FGF12: variants seen among roughly 807,000 people sequenced by gnomAD.
FGF12 encodes the protein fibroblast growth factor 12.
In FGF12, 14 loss-of-function variants were observed where a neutral mutation model predicts 23.6. That is an observed-to-expected ratio of 0.59 (90% CI 0.39 to 0.93). FGF12 has a LOEUF of 0.93. Among genes scored for constraint, FGF12 ranks in the 40% least tolerant of loss-of-function variants. The probability of loss-of-function intolerance (pLI) is 0.00; values close to 1 mark genes in which losing one functional copy is unlikely to be tolerated. For missense variants in FGF12, 175 were observed against 217.8 expected, an observed-to-expected ratio of 0.80 and a Z score of 1.24; for synonymous variants, 62 against 77.3, an observed-to-expected ratio of 0.80 and a Z score of 1.04.
chr3:192,335,311 C>T, intron 4 of FGF12, 50 bp downstream of exon 4: 1 of 1,200,750 alleles, frequency 8.3e-7, no homozygotes, highest in Non-Finnish European at 1.2e-6. Flanking sequence ...CATTACCTCT[C>T]AGTGGTAGTT....
At chr3:192,648,446 A>G (rs1560181122) in intron 2 of FGF12, among the ~76,000 whole-genome samples, 1 of 151,770 alleles carries the variant, frequency 6.6e-6, no homozygotes, top group Non-Finnish European at 1.5e-5. Flanking sequence ...TCAATTCTCA[A>G]CTATCCATGG....
intron 4 of FGF12, among the ~76,000 whole-genome samples, chr3:192,291,933 G>A (rs75761840): frequency 0.011 from 1,668 of 152,266 alleles, 31 homozygotes; most frequent in African/African-American, 0.037. Context: ...TCAACAATAC[G>A]TGTATCAAAT....
intron 4 of FGF12, among the ~76,000 whole-genome samples, chr3:192,269,909 G>T (rs1158245574): frequency 6.6e-6 from 1 of 152,056 alleles, no homozygotes; most frequent in Non-Finnish European, 1.5e-5. Flanking sequence ...CTGAAAAGCT[G>T]AACATTGTTA....
At chr3:192,382,914 G>A (rs1196655183) in intron 2 of FGF12, among the ~76,000 whole-genome samples, 1 of 152,188 alleles carries the variant, frequency 6.6e-6, no homozygotes, top group Non-Finnish European at 1.5e-5. Context: ...GACTGATAAC[G>A]AGAGAACAGA....
intron 2 of FGF12, among the ~76,000 whole-genome samples, chr3:192,380,701 C>A (rs758394681): frequency 6.6e-6 from 1 of 152,074 alleles, no homozygotes; most frequent in Non-Finnish European, 1.5e-5. Flanking sequence ...TGTTAGATTT[C>A]ATAGCACATT....
chr3:192,565,692 G>A (rs1426382674), intron 2 of FGF12, among the ~76,000 whole-genome samples: 4 of 152,170 alleles, frequency 2.6e-5, no homozygotes, highest in African/African-American at 9.7e-5. Context: ...TTGTATAGTA[G>A]GCTATATGAT....
At chr3:192,354,122 A>T (rs1395960982) in intron 3 of FGF12, among the ~76,000 whole-genome samples, 1 of 152,170 alleles carries the variant, frequency 6.6e-6, no homozygotes, top group Non-Finnish European at 1.5e-5. Context: ...TTACATTTCC[A>T]ATTGGTTTTC....
chr3:192,435,201 G>T (rs1315964222), intron 2 of FGF12, among the ~76,000 whole-genome samples: 1 of 152,042 alleles, frequency 6.6e-6, no homozygotes, highest in Non-Finnish European at 1.5e-5. Context: ...AACATTCCAG[G>T]CTGTGAAGTT....
At chr3:192,632,336 T>C (rs934112527) in intron 2 of FGF12, among the ~76,000 whole-genome samples, 31 of 152,274 alleles carry the variant, frequency 2.0e-4, no homozygotes, top group African/African-American at 7.5e-4. Context: ...GAAAAAGAAA[T>C]GATTTTGACT....
At chr3:192,148,624 C>T (rs1373382680) in intron 5 of FGF12, among the ~76,000 whole-genome samples, 1 of 152,084 alleles carries the variant, frequency 6.6e-6, no homozygotes, top group East Asian at 1.9e-4. Context: ...TATTTTACCA[C>T]AATTAAAAAG....
intron 2 of FGF12, among the ~76,000 whole-genome samples, chr3:192,507,602 G>A (rs189802228): frequency 1.5e-4 from 23 of 152,002 alleles, no homozygotes; most frequent in Admixed American, 1.3e-3. Context: ...TCCATATTCC[G>A]TACCATGGCA....
intron 2 of FGF12, among the ~76,000 whole-genome samples, chr3:192,644,058 G>A (rs148163126): frequency 3.4e-4 from 52 of 152,276 alleles, no homozygotes; most frequent in African/African-American, 1.1e-3. Flanking sequence ...AAGATAAAGC[G>A]ACTTACGCAG....
chr3:192,440,145 G>A (rs1359546359), intron 2 of FGF12, among the ~76,000 whole-genome samples: 1 of 151,986 alleles, frequency 6.6e-6, no homozygotes, highest in African/African-American at 2.4e-5. Flanking sequence ...GAGTGTAAAG[G>A]ATAAGAGGAA....
At chr3:192,601,848 T>C (rs956494511) in intron 2 of FGF12, among the ~76,000 whole-genome samples, 9 of 152,142 alleles carry the variant, frequency 5.9e-5, no homozygotes, top group Non-Finnish European at 1.3e-4. Context: ...ATAGTTGTTA[T>C]ACAATATTTT....
At chr3:192,446,546 T>C (rs1722360859) in intron 2 of FGF12, among the ~76,000 whole-genome samples, 1 of 152,204 alleles carries the variant, frequency 6.6e-6, no homozygotes, top group Non-Finnish European at 1.5e-5. Context: ...GATGGCCTCG[T>C]AGAAGTTCTG....
intron 4 of FGF12, among the ~76,000 whole-genome samples, chr3:192,298,178 GTCAA>G (rs1226328188): frequency 7.9e-5 from 12 of 152,270 alleles, no homozygotes; most frequent in African/African-American, 2.6e-4. Flanking sequence ...CATTTAACCA[GTCAA>G]TCAATCATCA....
chr3:192,578,491 A>G (rs1013776312), intron 2 of FGF12, among the ~76,000 whole-genome samples: 1 of 152,146 alleles, frequency 6.6e-6, no homozygotes, highest in Non-Finnish European at 1.5e-5. Flanking sequence ...ATATATTCAA[A>G]ACTTATTTAT....
intron 4 of FGF12, among the ~76,000 whole-genome samples, chr3:192,310,131 G>T (rs894169721): frequency 3.9e-5 from 6 of 152,170 alleles, no homozygotes; most frequent in African/African-American, 1.4e-4. Context: ...TGCTGGTAAA[G>T]TATTTGTCGC....
chr3:192,420,524 C>T (rs377386909), intron 2 of FGF12, among the ~76,000 whole-genome samples: 25 of 152,226 alleles, frequency 1.6e-4, no homozygotes, highest in South Asian at 4.1e-4. Flanking sequence ...GCCCTCTCCA[C>T]GGTAATGAGT....
Sources: allele counts gnomAD v4.1 joint callset (sites outside exome capture counted in the v4.1 genomes callset), GRCh38; gene constraint gnomAD v4.1.1; transcripts MANE v1.5; gene names NCBI Gene and HGNC (gene_info 2026-07-23, HGNC 2026-07-21).